Variants in INO80 observed in about 807,000 individuals in gnomAD.
INO80 encodes chromatin-remodeling ATPase INO80.
A neutral mutation model predicts 203.4 loss-of-function variants in INO80; 20 were observed. That is an observed-to-expected ratio of 0.10 (90% CI 0.07 to 0.14). The LOEUF is 0.14. Among genes scored for constraint, INO80 ranks in the 10% least tolerant of loss-of-function variants. The pLI is 1.00. For missense variants in INO80, 1,419 were observed against 1,914.4 expected, an observed-to-expected ratio of 0.74 and a Z score of 4.83; for synonymous variants, 726 against 685.2, an observed-to-expected ratio of 1.06 and a Z score of -0.93.
intron 7 of INO80, 56 bp downstream of exon 7, chr15:41,085,313 T>G: frequency 7.0e-6 from 10 of 1,434,926 alleles, no homozygotes; most frequent in Non-Finnish European, 9.8e-6. Context: ...TCCTCTTTAG[T>G]GGGTGGGGAG....
At chr15:41,064,288 A>G (rs2045170205) in intron 14 of INO80, among the ~76,000 whole-genome samples, 1 of 152,264 alleles carries the variant, frequency 6.6e-6, no homozygotes, top group African/African-American at 2.4e-5. Flanking sequence ...AAAGTCATAA[A>G]AAGTTTCTTT....
intron 4 of INO80, among the ~76,000 whole-genome samples, chr15:41,094,021 C>G (rs989144815): frequency 2.0e-5 from 3 of 152,016 alleles, no homozygotes; most frequent in Non-Finnish European, 4.4e-5. Context: ...TTTGAAGGAC[C>G]TAGTGATAAT....
intron 1 of INO80, among the ~76,000 whole-genome samples, chr15:41,107,049 C>T (rs999368516): frequency 2.0e-5 from 3 of 152,182 alleles, no homozygotes; most frequent in Admixed American, 2.0e-4. Context: ...TTACAGATTC[C>T]ACTCATTTCC....
chr15:41,109,565 G>A (rs112024974), intron 1 of INO80, among the ~76,000 whole-genome samples: 37 of 152,136 alleles, frequency 2.4e-4, no homozygotes, highest in Non-Finnish European at 3.5e-4. Flanking sequence ...GGGAGGCTGA[G>A]GCGGGTGGAT....
chr15:41,084,740 A>T (rs1429656036), intron 7 of INO80, among the ~76,000 whole-genome samples: 2 of 152,160 alleles, frequency 1.3e-5, no homozygotes, highest in African/African-American at 2.4e-5. Flanking sequence ...AATTTTTGAG[A>T]TAAAATAAAT....
At chr15:41,041,748 T>C (rs2044671727) in intron 24 of INO80, among the ~76,000 whole-genome samples, 1 of 152,148 alleles carries the variant, frequency 6.6e-6, no homozygotes, top group Non-Finnish European at 1.5e-5. Context: ...CCAGCCGGCT[T>C]CTAGTTCTTT....
intron 24 of INO80, among the ~76,000 whole-genome samples, chr15:41,029,492 A>G (rs1056163389): frequency 6.6e-6 from 1 of 152,256 alleles, no homozygotes; most frequent in Non-Finnish European, 1.5e-5. Flanking sequence ...GTTTCTGACT[A>G]CAGACTACAG....
chr15:41,112,116 G>C (rs1481181325), intron 1 of INO80, among the ~76,000 whole-genome samples: 1 of 152,038 alleles, frequency 6.6e-6, no homozygotes, highest in African/African-American at 2.4e-5. Context: ...GACCAGGCTG[G>C]TCTCAAGCTC....
intron 11 of INO80, among the ~76,000 whole-genome samples, 182 bp downstream of exon 11, chr15:41,073,246 T>C (rs1457403321): frequency 1.3e-5 from 2 of 152,124 alleles, no homozygotes; most frequent in Non-Finnish European, 2.9e-5. Flanking sequence ...GTATCCCTAC[T>C]AATCTAAAGT....
At position 41,049,927 on chromosome 15, in the gene INO80, G is replaced by A. The variant is rs758672903; in HGVS notation, c.2442+8C>T. On this transcript the variant is annotated splice_region_variant and intron_variant, in intron 20 of 35. Coordinates refer to ENST00000648947, the MANE Select transcript of INO80 (RefSeq NM_017553.3). Reference sequence around the variant, plus strand: ...CAAAACTTCAAGGGAACTGACGTAAGCTCTTACCTTCCTAAACTGCATGAC... The same window carrying A: ...CAAAACTTCAAGGGAACTGACGTAAACTCTTACCTTCCTAAACTGCATGAC... 3 of 1,606,548 alleles carry A rather than the reference G, an allele frequency of 1.9e-6. No individual in the cohort carries two copies. The highest frequency in any genetic ancestry group is 2.6e-6 in the Non-Finnish European group (3 of 1,175,174).
intron 14 of INO80, among the ~76,000 whole-genome samples, chr15:41,063,634 C>T (rs1380131580): frequency 2.6e-5 from 4 of 151,922 alleles, no homozygotes; most frequent in Non-Finnish European, 5.9e-5. Context: ...ATTAGCCGGG[C>T]GTGGTGGCAT....
At chr15:41,025,072 G>C (rs1031803695) in intron 25 of INO80, among the ~76,000 whole-genome samples, 1 of 152,326 alleles carries the variant, frequency 6.6e-6, no homozygotes, top group African/African-American at 2.4e-5. Context: ...ACAAACATGG[G>C]AGGGGCCAAG....
At position 41,047,391 on chromosome 15, in the gene INO80, A is replaced by G; in HGVS notation, c.2735+17T>C. 6.3e-7 allele frequency: 1 copy of G among 1,575,410 alleles called. No individual in the cohort carries two copies. Among genetic ancestry groups the G allele is most frequent in the Non-Finnish European group, 8.7e-7 (1 of 1,146,100 alleles). ...TTCCTAACTGGCCTCTTATCAAGCAATAAGCAAACCTCTCACCTGGCCAAA... is the reference window on the plus strand; with the variant it reads ...TTCCTAACTGGCCTCTTATCAAGCAGTAAGCAAACCTCTCACCTGGCCAAA... On this transcript the variant is annotated intron_variant, in intron 23 of 35. Coordinates refer to ENST00000648947, the MANE Select transcript of INO80 (RefSeq NM_017553.3).
chr15:41,059,888 G>A lies in INO80; in HGVS notation c.1821C>T (p.Val607=). 6.2e-7 allele frequency: 1 copy of A among 1,611,918 alleles called. No individual in the cohort carries two copies. Among genetic ancestry groups the A allele is most frequent in the Non-Finnish European group, 8.5e-7 (1 of 1,178,314 alleles). Residue 607 remains valine (V), a synonymous_variant, in exon 15 of 36, where the codon GTC becomes GTT. Transcript: ENST00000648947. The part of the protein sequence containing the change: ...PYWGNPHDRK[V]IRRFWSQKTL... ...TTACCTGACTCCAGAACCTTCTGAT[G>A]ACTTTTCTATCATGAGGATTTCCCC...
At position 40,983,286 on chromosome 15, in the gene INO80, C is replaced by CTTA. The variant is rs975146464; in HGVS notation, c.4238-210_4238-209insTAA. The stretch of plus-strand genomic sequence containing the variant: ...TCTAAACAATGAAAACATCCTAACT[C>CTTA]CTCAAGCTGCTTTTCATTCTGAAGA... On this transcript the variant is annotated intron_variant, in intron 34 of 35. Coordinates refer to ENST00000648947, the MANE Select transcript of INO80 (RefSeq NM_017553.3). 2.7e-4 allele frequency: 151 copies of CTTA among 560,112 alleles called. No individual in the cohort carries two copies. In the African/African-American group the frequency reaches 2.7e-3, roughly 10 times the overall value. The allele number at this position is 560,112 out of a possible 1,614,324, so 34.7% of individuals were successfully genotyped here.
At chr15:40,997,094 T>C (rs1596243839) in intron 29 of INO80, among the ~76,000 whole-genome samples, 1 of 151,852 alleles carries the variant, frequency 6.6e-6, no homozygotes, top group East Asian at 1.9e-4. Flanking sequence ...CTGGGCAACA[T>C]GGCAAAACCC....
chr15:41,087,615 C>A lies in INO80; in HGVS notation c.605G>T (p.Arg202Leu). The part of the protein sequence containing the change: ...STYDPFYEQQ[R>L]HLLGPKKKKF... ...CTTTTTCTTGGGTCCAAGTAGGTGCCGTTGTTGCTCATAGAAAGGGTCATA... is the reference window on the plus strand; with the variant it reads ...CTTTTTCTTGGGTCCAAGTAGGTGCAGTTGTTGCTCATAGAAAGGGTCATA... The change falls in exon 6 of 36, where the codon CGG becomes CTG. Residue 202 changes from arginine to leucine, a missense_variant. Around this residue, in one of 9 missense-constraint regions of INO80, gnomAD observed 323 missense variants for 325.4 expected, o/e 0.99. Transcript: ENST00000648947. 6.2e-7 allele frequency: 1 copy of A among 1,613,796 alleles called. No homozygotes were observed. The highest frequency in any genetic ancestry group is 8.5e-7 in the Non-Finnish European group (1 of 1,179,936).
chr15:41,095,539 T>C, intron 4 of INO80, 62 bp downstream of exon 4: 2 of 1,150,308 alleles, frequency 1.7e-6, no homozygotes, highest in South Asian at 2.6e-5. Context: ...TTGATAACTT[T>C]CCCATCTATT....
At chr15:41,062,796 G>A (rs1330982425) in intron 14 of INO80, among the ~76,000 whole-genome samples, 3 of 152,136 alleles carry the variant, frequency 2.0e-5, no homozygotes, top group Non-Finnish European at 4.4e-5. Flanking sequence ...GTGAGATGAG[G>A]ACGCCTCACT....
Sources: allele counts gnomAD v4.1 joint callset (sites outside exome capture counted in the v4.1 genomes callset), GRCh38; gene constraint gnomAD v4.1.1; regional missense constraint gnomAD v4.1.1; transcripts MANE v1.5; gene names NCBI Gene and HGNC (gene_info 2026-07-23, HGNC 2026-07-21).